PXDNL: variants seen among roughly 807,000 people sequenced by gnomAD.
The protein encoded by PXDNL is probable oxidoreductase PXDNL.
A neutral mutation model predicts 150.8 loss-of-function variants in PXDNL; 145 were observed. The ratio of observed to expected loss-of-function variants is 0.96; its 90% CI spans 0.84 to 1.10. The LOEUF is 1.10. PXDNL is among the 50% of genes least tolerant of loss of function. The pLI, the probability that PXDNL is intolerant of heterozygous loss-of-function variation, is 0.00. For missense variants in PXDNL, 2,087 were observed against 1,873.9 expected, an observed-to-expected ratio of 1.11 and a Z score of -2.10; for synonymous variants, 757 against 725.7, an observed-to-expected ratio of 1.04 and a Z score of -0.69.
intron 8 of PXDNL, among the ~76,000 whole-genome samples, chr8:51,471,920 T>C (rs1039435252): frequency 4.6e-5 from 7 of 152,030 alleles, no homozygotes; most frequent in African/African-American, 1.4e-4. Context: ...TCTCCTGACC[T>C]TGTGTGTGAT....
intron 2 of PXDNL, among the ~76,000 whole-genome samples, chr8:51,600,269 C>G (rs1017532668): frequency 1.4e-4 from 18 of 127,166 alleles, no homozygotes; most frequent in South Asian, 5.1e-4. Context: ...TAAATTATAT[C>G]GTTTAGATAA....
chr8:51,673,269 C>A (rs1276975155), intron 1 of PXDNL, among the ~76,000 whole-genome samples: 1 of 152,070 alleles, frequency 6.6e-6, no homozygotes, highest in African/African-American at 2.4e-5. Flanking sequence ...AATTTTGCAG[C>A]TGAATGTGTT....
chr8:51,753,345 C>G (rs1381769078), intron 1 of PXDNL, among the ~76,000 whole-genome samples: 1 of 152,090 alleles, frequency 6.6e-6, no homozygotes, highest in East Asian at 1.9e-4. Context: ...TGACGAATAC[C>G]AGGCAGAATC....
At chr8:51,721,905 G>T (rs746108697) in intron 1 of PXDNL, 1 of 270,074 alleles carries the variant, frequency 3.7e-6, no homozygotes, top group Non-Finnish European at 7.4e-6. Flanking sequence ...CTGTCATGGT[G>T]AAAGTGTTCC....
intron 1 of PXDNL, among the ~76,000 whole-genome samples, chr8:51,770,882 A>G (rs2129242192): frequency 6.6e-6 from 1 of 152,324 alleles, no homozygotes; most frequent in Non-Finnish European, 1.5e-5. Flanking sequence ...TTCATGTACA[A>G]GACATAAACA....
chr8:51,467,252 G>A (rs549990910), intron 8 of PXDNL, among the ~76,000 whole-genome samples: 1 of 152,244 alleles, frequency 6.6e-6, no homozygotes, highest in African/African-American at 2.4e-5. Context: ...CTTGAATGCA[G>A]TTGAAGGCCA....
intron 2 of PXDNL, among the ~76,000 whole-genome samples, chr8:51,602,444 C>A (rs1269375636): frequency 1.3e-5 from 2 of 151,842 alleles, no homozygotes; most frequent in Admixed American, 6.6e-5. Context: ...CTCTGAAATT[C>A]TTTTATCTGC....
At position 51,638,697 on chromosome 8, in the gene PXDNL, G is replaced by A. The variant is rs1193660141; in HGVS notation, c.236+15992C>T. On this transcript the variant is annotated intron_variant, in intron 2 of 22. Coordinates refer to ENST00000356297, the MANE Select transcript of PXDNL (RefSeq NM_144651.5). ...CCAATACAGGAGCACCCAGATTCAT[G>A]AAGCAAGTACTTAGAGACCTACAAA... is the stretch of plus-strand genomic sequence containing the variant. Among the ~76,000 whole-genome samples the A allele has an allele frequency of 2.4e-3, 365 of 152,130 alleles. 2 individuals are homozygous for A. Among genetic ancestry groups the A allele is most frequent in the African/African-American group, 6.8e-3 (283 of 41,490 alleles).
At chr8:51,721,656 AG>A (rs1585700935) in intron 1 of PXDNL, 1 of 433,604 alleles carries the variant, frequency 2.3e-6, no homozygotes, top group Non-Finnish European at 4.4e-6. Context: ...AAAAAAAAAA[AG>A]AAGTTGACTC....
intron 2 of PXDNL, among the ~76,000 whole-genome samples, chr8:51,628,214 G>A (rs1179510534): frequency 6.6e-6 from 1 of 151,876 alleles, no homozygotes; most frequent in African/African-American, 2.4e-5. Flanking sequence ...CTGATCTCTT[G>A]GTTTAACACA....
intron 2 of PXDNL, among the ~76,000 whole-genome samples, chr8:51,617,046 G>A (rs538628498): frequency 5.2e-4 from 79 of 152,264 alleles, no homozygotes; most frequent in Non-Finnish European, 9.8e-4. Context: ...GTACTTACAT[G>A]TATATCTAAA....
intron 4 of PXDNL, among the ~76,000 whole-genome samples, chr8:51,518,346 G>A (rs1258169739): frequency 6.6e-6 from 1 of 152,148 alleles, no homozygotes; most frequent in African/African-American, 2.4e-5. Context: ...ATACTTGGGA[G>A]AATCAAGTGT....
At chr8:51,606,869 T>C (rs1813846301) in intron 2 of PXDNL, among the ~76,000 whole-genome samples, 1 of 152,186 alleles carries the variant, frequency 6.6e-6, no homozygotes, top group Non-Finnish European at 1.5e-5. Flanking sequence ...ACATATCAAG[T>C]GCTCAACAGG....
intron 8 of PXDNL, 23 bp from the exon 9 acceptor site, chr8:51,457,690 T>C: frequency 1.3e-6 from 2 of 1,583,056 alleles, no homozygotes; most frequent in East Asian, 2.2e-5. Context: ...GTTATACATG[T>C]ATATTATTTA....
chr8:51,686,566 G>A (rs991975417), intron 1 of PXDNL, among the ~76,000 whole-genome samples: 2 of 152,198 alleles, frequency 1.3e-5, no homozygotes, highest in Non-Finnish European at 1.5e-5. Flanking sequence ...AGGATGCCTG[G>A]AGACAACAGT....
Position 51,423,734 on chromosome 8 carries a change from AG to A in PXDNL, c.1639-4del. The A allele has an allele frequency of 1.2e-6, 2 of 1,607,420 alleles. No homozygotes were observed. The highest frequency in any genetic ancestry group is 1.7e-6 in the Non-Finnish European group (2 of 1,177,394). On this transcript the variant is annotated splice_region_variant and splice_polypyrimidine_tract_variant and intron_variant, in intron 13 of 22. Transcript: ENST00000356297. Reference sequence around the variant, plus strand: ...CTCTCAGTAATCTGCACACCTTCCTAGGGAGCAAAAAAGAGTTGCCACTGAA... The same window carrying A: ...CTCTCAGTAATCTGCACACCTTCCTAGGAGCAAAAAAGAGTTGCCACTGAA...
rs926743965 is a variant in PXDNL at position 51,556,835 on chromosome 8, C to G, written c.380+5G>C. ...TGATTTAATAAAAAAGTTTCTATTA[C>G]TTACAGATGTTCCAAAGATATGAGT... On this transcript the variant is annotated splice_donor_5th_base_variant and intron_variant, in intron 4 of 22. Coordinates refer to ENST00000356297, the MANE Select transcript of PXDNL (RefSeq NM_144651.5). 29 of 1,524,898 alleles carry G rather than the reference C, an allele frequency of 1.9e-5. No homozygotes were observed. The highest frequency in any genetic ancestry group is 2.6e-5 in the Non-Finnish European group (29 of 1,100,464). The allele number at this position is 1,524,898 out of a possible 1,614,324, so 94.5% of individuals were successfully genotyped here.
At chr8:51,366,017 C>G (rs1170278638) in intron 19 of PXDNL, among the ~76,000 whole-genome samples, 1 of 152,198 alleles carries the variant, frequency 6.6e-6, no homozygotes, top group East Asian at 1.9e-4. Flanking sequence ...GTTGCCCCTA[C>G]TGTAACCCTC....
intron 21 of PXDNL, among the ~76,000 whole-genome samples, chr8:51,322,837 G>C (rs931668408): frequency 6.6e-6 from 1 of 152,212 alleles, no homozygotes; most frequent in Admixed American, 6.5e-5. Context: ...AATTTAGCAT[G>C]AGTGCCTACA....
Sources: gnomAD v4.1 joint callset for allele counts (sites outside exome capture counted in the v4.1 genomes callset) on GRCh38, gnomAD v4.1.1 for gene constraint, MANE v1.5 for transcripts, NCBI Gene and HGNC (gene_info 2026-07-23, HGNC 2026-07-21) for gene names.